Variants in RGS6 observed in about 807,000 individuals in gnomAD.
RGS6 encodes regulator of G protein signaling 6.
In RGS6, 30 loss-of-function variants were observed where a neutral mutation model predicts 78.5. That is an observed-to-expected ratio of 0.38 (90% CI 0.29 to 0.52). The LOEUF (loss-of-function observed/expected upper bound fraction) is 0.52, where lower values mean the gene tolerates loss of function less well. Among genes scored for constraint, RGS6 ranks in the 20% least tolerant of loss-of-function variants. The pLI is 0.85. For synonymous variants in RGS6, 206 were observed against 206.0 expected (o/e 1.00, Z 0.00); for missense variants, 495 against 609.7 (o/e 0.81, Z 1.98).
chr14:72,138,138 A>T (rs1175620290), intron 2 of RGS6, among the ~76,000 whole-genome samples: 1 of 152,204 alleles, frequency 6.6e-6, no homozygotes, highest in Non-Finnish European at 1.5e-5. Flanking sequence ...AAAGCACTAC[A>T]TATAAAGTTT....
At chr14:72,296,520 T>G (rs1212199251) in intron 2 of RGS6, among the ~76,000 whole-genome samples, 1 of 152,216 alleles carries the variant, frequency 6.6e-6, no homozygotes, top group Admixed American at 6.5e-5. Context: ...AAATTTCAGC[T>G]ATTCTATTTG....
At chr14:72,229,257 C>G (rs1421997937) in intron 2 of RGS6, among the ~76,000 whole-genome samples, 1 of 151,202 alleles carries the variant, frequency 6.6e-6, no homozygotes, top group African/African-American at 2.4e-5. Context: ...TCTCTGACCT[C>G]CCACCCCTCC....
At chr14:72,181,071 G>A (rs1183032308) in intron 2 of RGS6, among the ~76,000 whole-genome samples, 1 of 152,196 alleles carries the variant, frequency 6.6e-6, no homozygotes, top group African/African-American at 2.4e-5. Flanking sequence ...CAGCAGCTGG[G>A]AATGGGAATT....
intron 13 of RGS6, among the ~76,000 whole-genome samples, chr14:72,498,528 C>T (rs757120054): frequency 5.9e-5 from 9 of 152,180 alleles, no homozygotes; most frequent in Non-Finnish European, 1.2e-4. Context: ...CAGAATTTCT[C>T]ACAATTGAAC....
chr14:72,490,484 T>C (rs2096563768), intron 12 of RGS6, among the ~76,000 whole-genome samples: 1 of 152,254 alleles, frequency 6.6e-6, no homozygotes, highest in African/African-American at 2.4e-5. Flanking sequence ...AGGAGATTTA[T>C]AGGACAGAGG....
chr14:71,938,875 C>T (rs2152949341), intron 1 of RGS6, among the ~76,000 whole-genome samples: 1 of 152,286 alleles, frequency 6.6e-6, no homozygotes, highest in South Asian at 2.1e-4. Context: ...TAGTTACCTG[C>T]AGAAGATGAC....
intron 2 of RGS6, among the ~76,000 whole-genome samples, chr14:72,036,200 A>AGTCTTATTATTATTATTATTATTAT (rs138140828): frequency 1.7e-4 from 25 of 146,800 alleles, no homozygotes; most frequent in African/African-American, 5.7e-4. Context: ...GCATGTAAAC[A>AGTCTTATTATTATTATTATTATTAT]TATTATTATT....
intron 16 of RGS6, 66 bp from the exon 17 acceptor site, chr14:72,539,975 C>A (rs948938361): frequency 7.2e-7 from 1 of 1,380,740 alleles, no homozygotes; most frequent in Non-Finnish European, 9.7e-7. Flanking sequence ...GTTTGGGAAC[C>A]ACGTATAAGC....
At chr14:72,478,802 T>C (rs1394739659) in intron 12 of RGS6, among the ~76,000 whole-genome samples, 1 of 152,188 alleles carries the variant, frequency 6.6e-6, no homozygotes, top group Non-Finnish European at 1.5e-5. Flanking sequence ...CTGCATCGAA[T>C]CAGCTGTAAA....
chr14:72,140,846 G>A lies in RGS6; in HGVS notation c.84+175971G>A, dbSNP rs182376613. On this transcript the variant is annotated intron_variant, in intron 2 of 17. Transcript: ENST00000553525. ...GCGGGCAAGCCAGGCACAGAACTGT[G>A]AGGGTCCTTGCAATGGGCTGCTGGT... Among the ~76,000 whole-genome samples the A allele has an allele frequency of 2.8e-3, 425 of 152,342 alleles. 1 individual carries two copies. Among genetic ancestry groups the A allele is most frequent in the Non-Finnish European group, 4.4e-3 (301 of 68,034 alleles).
At chr14:72,002,083 T>G (rs979420616) in intron 2 of RGS6, among the ~76,000 whole-genome samples, 4 of 151,720 alleles carry the variant, frequency 2.6e-5, no homozygotes, top group Admixed American at 2.0e-4. Flanking sequence ...TTGTATTTTT[T>G]GTAGAGACAG....
chr14:71,973,256 T>A (rs1255090336), intron 2 of RGS6, among the ~76,000 whole-genome samples: 1 of 152,216 alleles, frequency 6.6e-6, no homozygotes, highest in Non-Finnish European at 1.5e-5. Context: ...CTTTACTTTA[T>A]TTTTAATTTT....
chr14:72,352,431 T>C (rs913096330), intron 3 of RGS6, among the ~76,000 whole-genome samples: 3 of 152,222 alleles, frequency 2.0e-5, no homozygotes, highest in African/African-American at 7.2e-5. Flanking sequence ...TTGAGGCTGC[T>C]GGGAATAAAT....
intron 3 of RGS6, among the ~76,000 whole-genome samples, chr14:72,417,783 G>A (rs1226731185): frequency 1.3e-5 from 2 of 152,200 alleles, no homozygotes; most frequent in African/African-American, 2.4e-5. Flanking sequence ...CGAAGTGCTT[G>A]ACATAATCAG....
chr14:72,450,918 T>TTATGACA (rs1216094976), intron 3 of RGS6, among the ~76,000 whole-genome samples: 3 of 152,216 alleles, frequency 2.0e-5, no homozygotes, highest in Non-Finnish European at 4.4e-5. Flanking sequence ...GGACGCGATA[T>TTATGACA]TATGACAGAT....
chr14:72,419,553 A>G (rs1358027407), intron 3 of RGS6, among the ~76,000 whole-genome samples: 1 of 152,180 alleles, frequency 6.6e-6, no homozygotes, highest in East Asian at 1.9e-4. Flanking sequence ...CTCTGCACAA[A>G]ATACAATGTG....
intron 2 of RGS6, among the ~76,000 whole-genome samples, chr14:72,211,710 A>G (rs538338019): frequency 4.1e-4 from 62 of 152,316 alleles, no homozygotes; most frequent in African/African-American, 1.3e-3. Context: ...TTGGGATACG[A>G]AGTTCAACTG....
the RGS6 span, among the ~76,000 whole-genome samples, chr14:72,610,293 A>G: frequency 6.6e-6 from 1 of 152,150 alleles, no homozygotes; most frequent in Non-Finnish European, 1.5e-5. Context: ...TGCAGGCCTG[A>G]GCTTCCTCGT....
chr14:72,453,779 T>C (rs1222995568), intron 3 of RGS6, among the ~76,000 whole-genome samples: 4 of 151,940 alleles, frequency 2.6e-5, no homozygotes, highest in African/African-American at 9.7e-5. Context: ...CACATGGGCG[T>C]AATGTCCATG....
Sources: gnomAD v4.1 joint callset for allele counts (sites outside exome capture counted in the v4.1 genomes callset) on GRCh38, gnomAD v4.1.1 for gene constraint, MANE v1.5 for transcripts, NCBI Gene and HGNC (gene_info 2026-07-23, HGNC 2026-07-21) for gene names.